LRGUK: variants seen among roughly 807,000 people sequenced by gnomAD.
LRGUK encodes the protein leucine rich repeats and guanylate kinase domain containing, also known as leucine-rich repeat and guanylate kinase domain-containing protein.
Under a neutral mutation model 76.0 loss-of-function variants are expected in LRGUK, and 65 were observed. The observed-to-expected ratio is 0.85, with a 90% CI of 0.70 to 1.05. LRGUK has a LOEUF of 1.05. Ranked by LOEUF, LRGUK falls within the 50% of genes least tolerant of loss-of-function variation. The pLI is 0.00. For missense variants in LRGUK, 758 were observed against 732.8 expected, an observed-to-expected ratio of 1.03 and a Z score of -0.40; for synonymous variants, 268 against 265.6, an observed-to-expected ratio of 1.01 and a Z score of -0.09.
intron 16 of LRGUK, among the ~76,000 whole-genome samples, chr7:134,245,246 A>G (rs1303479291): frequency 6.6e-6 from 1 of 152,222 alleles, no homozygotes; most frequent in Non-Finnish European, 1.5e-5. Context: ...ATGACTTCTT[A>G]TACTCAAACA....
intron 19 of LRGUK, among the ~76,000 whole-genome samples, chr7:134,261,266 C>G (rs1460772750): frequency 1.3e-5 from 2 of 151,344 alleles, no homozygotes; most frequent in Non-Finnish European, 2.9e-5. Context: ...AACTAGGTCT[C>G]CATCATCCCA....
At chr7:134,150,301 A>C (rs561445543) in intron 5 of LRGUK, among the ~76,000 whole-genome samples, 6 of 151,610 alleles carry the variant, frequency 4.0e-5, no homozygotes, top group South Asian at 4.2e-4. Context: ...ACAAAAAAAA[A>C]CAAAAAAAAA....
chr7:134,139,319 C>T (rs1381133701), intron 2 of LRGUK, 117 bp from the exon 3 acceptor site: 1 of 660,626 alleles, frequency 1.5e-6, no homozygotes, highest in Non-Finnish European at 2.6e-6. Context: ...TGTTCTCTCT[C>T]TTCTTCTATA....
intron 11 of LRGUK, among the ~76,000 whole-genome samples, chr7:134,189,076 G>C (rs1026126723): frequency 3.3e-5 from 5 of 152,120 alleles, no homozygotes; most frequent in Non-Finnish European, 7.4e-5. Flanking sequence ...AGTAGCTTCA[G>C]TGACACCTGG....
At chr7:134,148,132 T>C (rs1266882185) in intron 4 of LRGUK, 106 bp from the exon 5 acceptor site, 6 of 699,340 alleles carry the variant, frequency 8.6e-6, no homozygotes, top group African/African-American at 3.7e-5. Context: ...CAGTAATGAA[T>C]TCTAACTCTA....
chr7:134,237,073 G>GTTTTTTTTTTTTTTTTTT (rs1802035176), intron 16 of LRGUK, among the ~76,000 whole-genome samples: 1 of 46,016 alleles, frequency 2.2e-5, no homozygotes. Flanking sequence ...TTTTTTTTTT[G>GTTTTTTTTTTTTTTTTTT]AGACTGTCTC....
chr7:134,166,286 G>A (rs996029606), intron 7 of LRGUK, among the ~76,000 whole-genome samples: 2 of 152,114 alleles, frequency 1.3e-5, no homozygotes, highest in African/African-American at 4.8e-5. Context: ...GTGATCATTT[G>A]AACATCTTCT....
At chr7:134,139,649 T>C in intron 3 of LRGUK, 132 bp downstream of exon 3, 1 of 588,390 alleles carries the variant, frequency 1.7e-6, no homozygotes, top group South Asian at 2.6e-5. Flanking sequence ...GATCCTTTGC[T>C]TTCCATGTAA....
At chr7:134,252,351 A>G (rs1013120594) in intron 18 of LRGUK, among the ~76,000 whole-genome samples, 10 of 138,738 alleles carry the variant, frequency 7.2e-5, no homozygotes, top group African/African-American at 2.9e-4. Context: ...ATTAAATTAA[A>G]TTAAATTAAA....
At chr7:134,161,252 T>C (rs1407854307) in intron 6 of LRGUK, among the ~76,000 whole-genome samples, 1 of 152,196 alleles carries the variant, frequency 6.6e-6, no homozygotes, top group Non-Finnish European at 1.5e-5. Context: ...ATATTTTGAA[T>C]AGGCTATTGG....
chr7:134,167,525 G>A (rs958165725), intron 7 of LRGUK, among the ~76,000 whole-genome samples: 1 of 152,112 alleles, frequency 6.6e-6, no homozygotes, highest in Non-Finnish European at 1.5e-5. Context: ...ACAGGAGACC[G>A]CAGGTTCCAC....
In LRGUK at chr7:134,127,673, TC is replaced by T. The variant is rs767871419; in HGVS notation, c.297+16del. The stretch of plus-strand genomic sequence containing the variant: ...AAATGCTGAATTTGGAGGTGTGTCT[TC>T]CCCCCCACCCCGTACTCCCTGGCTC... On this transcript the variant is annotated intron_variant, in intron 1 of 15. Transcript: ENST00000645682. 5.6e-6 allele frequency: 9 copies of T among 1,607,512 alleles called. No homozygotes were observed. Among genetic ancestry groups the T allele is most frequent in the East Asian group, 4.5e-5 (2 of 44,762 alleles).
exon 3 of LRGUK, chr7:134,139,448 A>G (rs1186381364): frequency 6.2e-7 from 1 of 1,607,970 alleles, no homozygotes; most frequent in Non-Finnish European, 8.5e-7. Context: ...TTGTAATTTA[A>G]TTGATGTTAG....
At chr7:134,157,803 G>A (rs7785919) in intron 5 of LRGUK, among the ~76,000 whole-genome samples, 19,607 of 152,024 alleles carry the variant, frequency 0.13, 1,571 homozygotes, top group East Asian at 0.32. Context: ...GATTACAGGC[G>A]TGAGCCACCG....
chr7:134,274,631 T>C, the LRGUK span, among the ~76,000 whole-genome samples: 2 of 152,322 alleles, frequency 1.3e-5, no homozygotes, highest in South Asian at 2.1e-4. Flanking sequence ...TTTTTTGCTA[T>C]ATAAATTTTG....
At chr7:134,223,441 G>C (rs748806216) in intron 16 of LRGUK, among the ~76,000 whole-genome samples, 7 of 152,306 alleles carry the variant, frequency 4.6e-5, no homozygotes, top group Admixed American at 3.3e-4. Context: ...GGGGGTAGGT[G>C]GGTGCCCACT....
chr7:134,150,637 C>T (rs767376707), intron 5 of LRGUK, among the ~76,000 whole-genome samples: 4 of 152,160 alleles, frequency 2.6e-5, no homozygotes, highest in Non-Finnish European at 4.4e-5. Flanking sequence ...TCTTGTCCCC[C>T]AGAAAAACAT....
intron 6 of LRGUK, among the ~76,000 whole-genome samples, chr7:134,158,858 T>C (rs1395928565): frequency 6.6e-6 from 1 of 152,176 alleles, no homozygotes; most frequent in Non-Finnish European, 1.5e-5. Context: ...GTCTACAGTA[T>C]TGACTGTGAA....
At chr7:134,146,858 T>C (rs1797990880) in intron 4 of LRGUK, among the ~76,000 whole-genome samples, 1 of 152,182 alleles carries the variant, frequency 6.6e-6, no homozygotes, top group African/African-American at 2.4e-5. Flanking sequence ...ATTATGTAAT[T>C]GCTTGATGGT....
Sources: allele counts gnomAD v4.1 joint callset (sites outside exome capture counted in the v4.1 genomes callset), GRCh38; gene constraint gnomAD v4.1.1; transcripts MANE v1.5; gene names NCBI Gene and HGNC (gene_info 2026-07-23, HGNC 2026-07-21).